The following GABBR2 variants were observed in gnomAD, a reference collection of about 807,000 sequenced individuals.
The protein encoded by GABBR2 is G-protein coupled receptor 51.
GABBR2 carries 23 observed loss-of-function variants against 105.6 expected under a neutral mutation model. The ratio of observed to expected loss-of-function variants is 0.22; its 90% CI spans 0.16 to 0.31. GABBR2 has a LOEUF of 0.31. GABBR2 is among the 10% of genes least tolerant of loss of function. GABBR2 has a pLI of 1.00. For missense variants in GABBR2, 734 were observed against 1,245.5 expected, an observed-to-expected ratio of 0.59 and a Z score of 6.18; for synonymous variants, 478 against 499.7, an observed-to-expected ratio of 0.96 and a Z score of 0.58.
intron 1 of GABBR2, among the ~76,000 whole-genome samples, chr9:98,671,796 T>A (rs563259507): frequency 7.9e-5 from 12 of 152,330 alleles, no homozygotes; most frequent in South Asian, 4.1e-4. Flanking sequence ...TCACTCTGGA[T>A]AAAGAATTTG....
intron 7 of GABBR2, among the ~76,000 whole-genome samples, chr9:98,441,064 C>T (rs1826022646): frequency 6.6e-6 from 1 of 152,122 alleles, no homozygotes; most frequent in Non-Finnish European, 1.5e-5. Context: ...GTACTATTTA[C>T]TTTAAAATAT....
chr9:98,343,094 C>T (rs1831243162), intron 13 of GABBR2, among the ~76,000 whole-genome samples: 1 of 152,204 alleles, frequency 6.6e-6, no homozygotes, highest in Non-Finnish European at 1.5e-5. Flanking sequence ...TTCCATGATT[C>T]CAAATCCCCT....
chr9:98,616,583 T>C (rs1588254162), intron 1 of GABBR2, among the ~76,000 whole-genome samples: 1 of 151,978 alleles, frequency 6.6e-6, no homozygotes, highest in South Asian at 2.1e-4. Flanking sequence ...GTGAAACCCC[T>C]TCTCTACTAA....
chr9:98,446,904 A>C (rs992848316), intron 7 of GABBR2, among the ~76,000 whole-genome samples: 7 of 152,142 alleles, frequency 4.6e-5, no homozygotes, highest in African/African-American at 1.7e-4. Flanking sequence ...AAACAGGCAC[A>C]ATCAGGATAA....
intron 3 of GABBR2, among the ~76,000 whole-genome samples, chr9:98,521,860 A>G (rs899267819): frequency 6.6e-6 from 1 of 152,238 alleles, no homozygotes; most frequent in Non-Finnish European, 1.5e-5. Flanking sequence ...GAACCTATGA[A>G]AACTTTCTGA....
At chr9:98,393,190 C>T (rs541051889) in intron 9 of GABBR2, among the ~76,000 whole-genome samples, 20 of 147,366 alleles carry the variant, frequency 1.4e-4, no homozygotes, top group Admixed American at 1.2e-3. Context: ...ATCCATCTAT[C>T]CATCCACTTG....
chr9:98,464,926 C>G (rs1320090771), intron 6 of GABBR2, among the ~76,000 whole-genome samples: 1 of 151,896 alleles, frequency 6.6e-6, no homozygotes, highest in East Asian at 1.9e-4. Flanking sequence ...GCAGCATGCT[C>G]GTTAAGAGTC....
rs569418130 is a variant in GABBR2 at position 98,465,659 on chromosome 9, G to T, written c.999+7487C>A. On this transcript the variant is annotated intron_variant, in intron 6 of 18. Transcript: ENST00000259455. The stretch of plus-strand genomic sequence containing the variant: ...TACCACATCTATAATGGAAGACAGA[G>T]AACATCAAAACTTTACAGATGACTG... 4.2e-4 allele frequency among the ~76,000 whole-genome samples: 64 copies of T among 152,278 alleles called. No homozygotes were observed. In the East Asian group the frequency reaches 8.9e-3, roughly 21 times the overall value.
At chr9:98,369,949 G>A (rs1169520475) in intron 12 of GABBR2, among the ~76,000 whole-genome samples, 1 of 152,132 alleles carries the variant, frequency 6.6e-6, no homozygotes, top group African/African-American at 2.4e-5. Context: ...GGTTTCCAGT[G>A]AAAAGGAGAT....
chr9:98,550,948 C>CAA (rs59811115), intron 2 of GABBR2, among the ~76,000 whole-genome samples: 4 of 149,538 alleles, frequency 2.7e-5, no homozygotes, highest in Admixed American at 6.6e-5. Context: ...TACACTCACT[C>CAA]AAAAAAAAAA....
At position 98,290,760 on chromosome 9, in the gene GABBR2, G is replaced by T; in HGVS notation, c.2661-11C>A. 6.8e-7 allele frequency: 1 copy of T among 1,465,262 alleles called. No homozygotes were observed. The highest frequency in any genetic ancestry group is 9.0e-7 in the Non-Finnish European group (1 of 1,117,270). The allele number at this position is 1,465,262 out of a possible 1,614,324, so 90.8% of individuals were successfully genotyped here. Reference sequence around the variant, plus strand: ...AGCCGACGCTGGATGCTGAAGAGAAGGAGAGGGAGGAGTGTTAGTGAAGGG... The same window carrying T: ...AGCCGACGCTGGATGCTGAAGAGAATGAGAGGGAGGAGTGTTAGTGAAGGG... On this transcript the variant is annotated splice_polypyrimidine_tract_variant and intron_variant, in intron 18 of 18. Coordinates refer to ENST00000259455, the MANE Select transcript of GABBR2 (RefSeq NM_005458.8).
At chr9:98,401,052 G>A (rs1010195699) in intron 8 of GABBR2, among the ~76,000 whole-genome samples, 2 of 151,028 alleles carry the variant, frequency 1.3e-5, no homozygotes, top group Non-Finnish European at 3.0e-5. Flanking sequence ...TAAATCTGGG[G>A]TCACTGTTAA....
rs112256771 is a variant in GABBR2 at position 98,600,268 on chromosome 9, T to C, written c.322-22196A>G. 1.8e-3 allele frequency among the ~76,000 whole-genome samples: 269 copies of C among 152,130 alleles called. 2 individuals carry two copies. Among genetic ancestry groups the C allele is most frequent in the African/African-American group, 5.7e-3 (238 of 41,492 alleles). On this transcript the variant is annotated intron_variant, in intron 1 of 18. Coordinates refer to ENST00000259455, the MANE Select transcript of GABBR2 (RefSeq NM_005458.8). ...ATCAGGGCTGCAAAGATGGAACAGC[T>C]CCTCCTTCTCTGCTGGGCAGAGCAC... is the stretch of plus-strand genomic sequence containing the variant.
chr9:98,364,922 A>T (rs1831649877), intron 12 of GABBR2, among the ~76,000 whole-genome samples: 1 of 152,166 alleles, frequency 6.6e-6, no homozygotes, highest in South Asian at 2.1e-4. Context: ...TTTCTAAAGT[A>T]TTTAAAATTA....
At chr9:98,485,133 G>A (rs919177269) in intron 4 of GABBR2, among the ~76,000 whole-genome samples, 8 of 152,202 alleles carry the variant, frequency 5.3e-5, no homozygotes, top group African/African-American at 1.9e-4. Context: ...GGCTCTGCAG[G>A]GAGCTTCCTG....
At chr9:98,320,572 C>G (rs1401185316) in intron 13 of GABBR2, among the ~76,000 whole-genome samples, 1 of 152,108 alleles carries the variant, frequency 6.6e-6, no homozygotes, top group Non-Finnish European at 1.5e-5. Context: ...AGACTTGGAA[C>G]CAACCCAAAT....
chr9:98,487,397 C>T (rs894444324), intron 4 of GABBR2, among the ~76,000 whole-genome samples: 1 of 152,108 alleles, frequency 6.6e-6, no homozygotes, highest in African/African-American at 2.4e-5. Context: ...GAGCACAGTT[C>T]CCACTAGGAC....
chr9:98,319,684 C>T (rs548240969), intron 13 of GABBR2, among the ~76,000 whole-genome samples: 9 of 152,214 alleles, frequency 5.9e-5, no homozygotes, highest in African/African-American at 1.9e-4. Flanking sequence ...CTCCCGTCTC[C>T]CCATTTCCAA....
intron 13 of GABBR2, among the ~76,000 whole-genome samples, chr9:98,317,144 C>T (rs373028101): frequency 1.8e-4 from 27 of 152,320 alleles, no homozygotes; most frequent in East Asian, 1.2e-3. Context: ...TTTGGTGCTG[C>T]GAGCTGAACT....
Sources: allele counts gnomAD v4.1 joint callset (sites outside exome capture counted in the v4.1 genomes callset), GRCh38; gene constraint gnomAD v4.1.1; transcripts MANE v1.5; gene names NCBI Gene and HGNC (gene_info 2026-07-23, HGNC 2026-07-21).